CPNE8: variants seen among roughly 807,000 people sequenced by gnomAD.
The protein encoded by CPNE8 is copine-8.
A neutral mutation model predicts 81.5 loss-of-function variants in CPNE8; 45 were observed. That is an observed-to-expected ratio of 0.55 (90% confidence interval 0.44 to 0.71). The LOEUF (loss-of-function observed/expected upper bound fraction) is 0.71, where lower values mean the gene tolerates loss of function less well. Ranked by LOEUF, CPNE8 falls within the 30% of genes least tolerant of loss-of-function variation. The probability of loss-of-function intolerance (pLI) is 0.00; values close to 1 mark genes in which losing one functional copy is unlikely to be tolerated. For missense variants in CPNE8, 594 were observed against 672.1 expected (o/e 0.88, Z 1.28); for synonymous variants, 252 against 226.3 (o/e 1.11, Z -1.02).
chr12:38,764,634 A>AG (rs1565603589), intron 8 of CPNE8, among the ~76,000 whole-genome samples: 3 of 151,086 alleles, frequency 2.0e-5, no homozygotes, highest in African/African-American at 7.3e-5. Context: ...AAAAAAAAAA[A>AG]AAAAAGAAAA....
At chr12:38,830,127 A>G (rs1162293157) in intron 5 of CPNE8, among the ~76,000 whole-genome samples, 1 of 152,146 alleles carries the variant, frequency 6.6e-6, no homozygotes, top group East Asian at 1.9e-4. Context: ...CAACCGTATG[A>G]TTCTTATTTT....
chr12:38,747,541 A>G (rs1307280946), intron 10 of CPNE8, among the ~76,000 whole-genome samples: 1 of 152,160 alleles, frequency 6.6e-6, no homozygotes. Context: ...ACTTTTTAAG[A>G]TTATCCAGGG....
At chr12:38,666,561 C>T (rs527594275) in intron 19 of CPNE8, among the ~76,000 whole-genome samples, 1 of 152,120 alleles carries the variant, frequency 6.6e-6, no homozygotes, top group South Asian at 2.1e-4. Context: ...TATAGGATTT[C>T]GATCAGCACA....
chr12:38,881,642 G>A (rs939708628), intron 1 of CPNE8, among the ~76,000 whole-genome samples: 4 of 152,168 alleles, frequency 2.6e-5, no homozygotes, highest in African/African-American at 9.7e-5. Flanking sequence ...TTGAGGAGAG[G>A]AGAATTAACT....
At chr12:38,826,920 A>G (rs1037129614) in intron 6 of CPNE8, among the ~76,000 whole-genome samples, 5 of 151,704 alleles carry the variant, frequency 3.3e-5, no homozygotes, top group Non-Finnish European at 5.9e-5. Flanking sequence ...CTGTAATCCC[A>G]GAACTTTGGG....
At chr12:38,814,948 T>G (rs2136994677) in intron 6 of CPNE8, among the ~76,000 whole-genome samples, 1 of 152,290 alleles carries the variant, frequency 6.6e-6, no homozygotes, top group East Asian at 1.9e-4. Flanking sequence ...TATTTTTAAG[T>G]TAGCCACATA....
At chr12:38,668,813 G>A (rs964284161) in intron 19 of CPNE8, among the ~76,000 whole-genome samples, 9 of 152,096 alleles carry the variant, frequency 5.9e-5, no homozygotes, top group Non-Finnish European at 1.0e-4. Flanking sequence ...ACATTGGGAG[G>A]CCGAGGCGGG....
intron 10 of CPNE8, among the ~76,000 whole-genome samples, chr12:38,746,818 C>G (rs1206463138): frequency 6.6e-6 from 1 of 152,104 alleles, no homozygotes; most frequent in Non-Finnish European, 1.5e-5. Context: ...AATTTTAAAA[C>G]AGGAACTAGA....
In CPNE8 at chr12:38,692,279, G is replaced by T. The variant is rs566578865; in HGVS notation, c.1143+1378C>A. Among the ~76,000 whole-genome samples, 4 of 151,754 alleles carry T rather than the reference G, an allele frequency of 2.6e-5. No homozygotes were observed. The East Asian group carries it at 5.8e-4, about 22-fold the overall frequency. On this transcript the variant is annotated intron_variant, in intron 15 of 19. Transcript: ENST00000331366. ...ACTCCAGCCTGGGCAACAAAGCAAG[G>T]CTCTGTCTCAAAAAAACAAAAACAA...
At position 38,749,217 on chromosome 12, in the gene CPNE8, C is replaced by T. The variant is rs553259274; in HGVS notation, c.722+11630G>A. ...TTACCTCTTTGCCTGCTGCCCTCCA[C>T]GTGAGACTTGACTTGCTCCTCCTTG... On this transcript the variant is annotated intron_variant, in intron 10 of 19. Coordinates refer to ENST00000331366, the MANE Select transcript of CPNE8 (RefSeq NM_153634.3). Among the ~76,000 whole-genome samples the T allele has an allele frequency of 5.3e-5, 8 of 152,298 alleles. No homozygotes were observed. In the East Asian group the frequency reaches 1.2e-3, roughly 22 times the overall value.
chr12:38,867,955 T>C (rs1436978480), intron 3 of CPNE8, among the ~76,000 whole-genome samples: 3 of 152,196 alleles, frequency 2.0e-5, no homozygotes, highest in African/African-American at 7.2e-5. Flanking sequence ...AAATTTTGAC[T>C]ACAGATTAAT....
chr12:38,768,717 C>T (rs1340883653), intron 7 of CPNE8, among the ~76,000 whole-genome samples: 1 of 151,384 alleles, frequency 6.6e-6, no homozygotes, highest in African/African-American at 2.4e-5. Context: ...TTAGCAGAGA[C>T]GGGGTTTCAC....
intron 6 of CPNE8, among the ~76,000 whole-genome samples, chr12:38,782,116 G>C (rs1403743965): frequency 6.6e-6 from 1 of 152,054 alleles, no homozygotes; most frequent in Admixed American, 6.6e-5. Flanking sequence ...AAATACCATG[G>C]TAACACAAGA....
chr12:38,865,312 T>G (rs1184267779), intron 3 of CPNE8, among the ~76,000 whole-genome samples: 1 of 152,200 alleles, frequency 6.6e-6, no homozygotes, highest in African/African-American at 2.4e-5. Flanking sequence ...TATGTGAATG[T>G]AAGACCCAAA....
chr12:38,726,678 G>A (rs965029768), intron 11 of CPNE8: 10 of 152,054 alleles, frequency 6.6e-5, no homozygotes, highest in South Asian at 2.1e-4. Context: ...CATTTTTCTC[G>A]AAAAACCATA....
intron 6 of CPNE8, among the ~76,000 whole-genome samples, chr12:38,815,365 A>T (rs1188316554): frequency 2.0e-5 from 3 of 152,188 alleles, no homozygotes; most frequent in Non-Finnish European, 4.4e-5. Context: ...AGTAGATATC[A>T]TATTAAATAT....
chr12:38,799,311 G>C (rs927455695), intron 6 of CPNE8, among the ~76,000 whole-genome samples: 2 of 152,004 alleles, frequency 1.3e-5, no homozygotes, highest in Non-Finnish European at 2.9e-5. Flanking sequence ...GCTCTCCTCA[G>C]CAAATGTAAC....
chr12:38,767,679 T>C lies in CPNE8; in HGVS notation c.531A>G (p.Lys177=). The C allele has an allele frequency of 6.4e-7, 1 of 1,564,880 alleles. No individual in the cohort carries two copies. Among genetic ancestry groups the C allele is most frequent in the Middle Eastern group, 1.7e-4 (1 of 5,956 alleles). The part of the protein sequence containing the change: ...NKLDKKDFFG[K]SDPFLVFYRS... ...GATAAAATACAAGGAAAGGATCTGA[T>C]TTTCCAAAGAAGTCCTTCTTGTCCA... Residue 177 remains lysine (K), a synonymous_variant, in exon 8 of 20, where the codon AAA becomes AAG. Coordinates refer to ENST00000331366, the MANE Select transcript of CPNE8 (RefSeq NM_153634.3).
intron 6 of CPNE8, among the ~76,000 whole-genome samples, chr12:38,812,573 C>T (rs1053638952): frequency 5.3e-5 from 8 of 152,132 alleles, no homozygotes; most frequent in African/African-American, 1.9e-4. Context: ...CAATTACCTC[C>T]CATTGGGACC....
Sources: gnomAD v4.1 joint callset for allele counts (sites outside exome capture counted in the v4.1 genomes callset) on GRCh38, gnomAD v4.1.1 for gene constraint, MANE v1.5 for transcripts, NCBI Gene and HGNC (gene_info 2026-07-23, HGNC 2026-07-21) for gene names.